MAN1A2: variants seen among roughly 807,000 people sequenced by gnomAD.
The protein encoded by MAN1A2 is mannosyl-oligosaccharide 1,2-alpha-mannosidase IB.
A neutral mutation model predicts 75.7 loss-of-function variants in MAN1A2; 26 were observed. The observed-to-expected ratio is 0.34, with a 90% confidence interval of 0.25 to 0.48. MAN1A2 has a LOEUF of 0.48. Ranked by LOEUF, MAN1A2 falls within the 20% of genes least tolerant of loss-of-function variation. MAN1A2 has a pLI of 0.99. For synonymous variants in MAN1A2, 247 were observed against 264.6 expected (o/e 0.93, Z 0.65); for missense variants, 562 against 775.5 (o/e 0.72, Z 3.27).
intron 1 of MAN1A2, among the ~76,000 whole-genome samples, chr1:117,384,162 G>A (rs1653444339): frequency 6.6e-6 from 1 of 151,984 alleles, no homozygotes. Flanking sequence ...TGTCTGTTGT[G>A]CAGGTTATGG....
chr1:117,472,044 T>A (rs933036097), intron 8 of MAN1A2, among the ~76,000 whole-genome samples: 1 of 151,914 alleles, frequency 6.6e-6, no homozygotes, highest in South Asian at 2.1e-4. Flanking sequence ...AGGATAGCTG[T>A]CTGTGGGAGT....
At chr1:117,434,271 T>C (rs1322849260) in intron 5 of MAN1A2, among the ~76,000 whole-genome samples, 1 of 152,180 alleles carries the variant, frequency 6.6e-6, no homozygotes, top group African/African-American at 2.4e-5. Flanking sequence ...CTTTGCCTGG[T>C]AGAGACTTTC....
chr1:117,522,613 AGTT>A (rs1215903994), intron 12 of MAN1A2, among the ~76,000 whole-genome samples: 2 of 151,726 alleles, frequency 1.3e-5, no homozygotes, highest in Non-Finnish European at 2.9e-5. Context: ...CAGTAGGTCT[AGTT>A]GTTCATCTTA....
intron 9 of MAN1A2, among the ~76,000 whole-genome samples, chr1:117,495,233 T>A (rs1309820554): frequency 6.6e-6 from 1 of 151,900 alleles, no homozygotes; most frequent in Non-Finnish European, 1.5e-5. Flanking sequence ...TTTTTATTAG[T>A]TTTATTAGTT....
In MAN1A2 at chr1:117,422,132, G is replaced by A. The variant is rs116394775; in HGVS notation, c.855+1483G>A. On this transcript the variant is annotated intron_variant, in intron 5 of 12. Coordinates refer to ENST00000356554, the MANE Select transcript of MAN1A2 (RefSeq NM_006699.5). ...ATGAGTTTTTACAGTGCATAGTATT[G>A]TAATCACCAGCATGATCAAGATACA... Among the ~76,000 whole-genome samples, 1,114 of 152,116 alleles carry A rather than the reference G, an allele frequency of 7.3e-3. 17 individuals are homozygous for A. Among genetic ancestry groups the A allele is most frequent in the African/African-American group, 0.026 (1,065 of 41,532 alleles).
chr1:117,512,763 A>ACACACACACG (rs1199416372), intron 12 of MAN1A2, among the ~76,000 whole-genome samples: 6 of 151,434 alleles, frequency 4.0e-5, no homozygotes, highest in Non-Finnish European at 7.4e-5. Context: ...ACACACACAC[A>ACACACACACG]CACACACACA....
At chr1:117,482,875 C>G (rs1650544116) in intron 8 of MAN1A2, among the ~76,000 whole-genome samples, 1 of 151,944 alleles carries the variant, frequency 6.6e-6, no homozygotes, top group South Asian at 2.1e-4. Flanking sequence ...GGTTTTAGGT[C>G]TTAGGTTTAA....
chr1:117,493,987 G>C (rs949689246), intron 9 of MAN1A2: 2 of 151,954 alleles, frequency 1.3e-5, no homozygotes, highest in Non-Finnish European at 2.9e-5. Flanking sequence ...CACTTATATA[G>C]TATTTTCTAC....
At chr1:117,405,739 A>G (rs1647592590) in intron 3 of MAN1A2, 94 bp downstream of exon 3, 3 of 785,142 alleles carry the variant, frequency 3.8e-6, no homozygotes, top group Non-Finnish European at 6.7e-6. Flanking sequence ...AAATCTGAGT[A>G]TTTCTGTGGA....
chr1:117,381,836 T>G (rs61809516), intron 1 of MAN1A2, among the ~76,000 whole-genome samples: 2 of 151,352 alleles, frequency 1.3e-5, no homozygotes, highest in Non-Finnish European at 3.0e-5. Flanking sequence ...TCCACATCCT[T>G]TCCAGCACCT....
intron 6 of MAN1A2, among the ~76,000 whole-genome samples, chr1:117,454,399 T>C (rs1342251304): frequency 2.0e-5 from 3 of 152,170 alleles, no homozygotes; most frequent in African/African-American, 4.8e-5. Context: ...GGCATTTACA[T>C]TGGGGAACCA....
intron 6 of MAN1A2, among the ~76,000 whole-genome samples, chr1:117,455,490 T>C (rs1022541499): frequency 3.3e-5 from 5 of 152,246 alleles, no homozygotes; most frequent in African/African-American, 9.6e-5. Flanking sequence ...ATGTAAATTA[T>C]ACGTCAGTAT....
intron 6 of MAN1A2, among the ~76,000 whole-genome samples, chr1:117,442,666 A>C (rs949657835): frequency 6.6e-6 from 1 of 152,186 alleles, no homozygotes; most frequent in Admixed American, 6.5e-5. Context: ...AATAGAGTCA[A>C]AGTACATCCT....
chr1:117,500,950 T>A (rs963264120), intron 11 of MAN1A2, among the ~76,000 whole-genome samples: 6 of 151,884 alleles, frequency 4.0e-5, no homozygotes, highest in Non-Finnish European at 8.8e-5. Context: ...TTCACTTGAA[T>A]GTCCCCTGAT....
intron 7 of MAN1A2, among the ~76,000 whole-genome samples, chr1:117,463,432 T>G (rs1649886996): frequency 6.6e-6 from 1 of 151,982 alleles, no homozygotes; most frequent in South Asian, 2.1e-4. Context: ...TCATCCTTCC[T>G]GAACACATAG....
chr1:117,408,403 ATTATT>A (rs980299026), intron 3 of MAN1A2, among the ~76,000 whole-genome samples: 7 of 151,954 alleles, frequency 4.6e-5, no homozygotes, highest in Non-Finnish European at 7.4e-5. Flanking sequence ...TGTAGAAGAA[ATTATT>A]TTAATTTGTA....
intron 5 of MAN1A2, among the ~76,000 whole-genome samples, chr1:117,424,920 T>C (rs1355510623): frequency 1.3e-5 from 2 of 152,176 alleles, no homozygotes; most frequent in Non-Finnish European, 2.9e-5. Context: ...TAACTGCCAG[T>C]TCTCTAACAC....
chr1:117,387,036 C>T (rs555246637), intron 1 of MAN1A2, among the ~76,000 whole-genome samples: 65 of 150,572 alleles, frequency 4.3e-4, no homozygotes, highest in Middle Eastern at 3.4e-3. Flanking sequence ...TACAACTCAA[C>T]AACAACAACA....
At chr1:117,369,644 C>T (rs905733697) in intron 1 of MAN1A2, among the ~76,000 whole-genome samples, 4 of 152,064 alleles carry the variant, frequency 2.6e-5, no homozygotes, top group Non-Finnish European at 5.9e-5. Flanking sequence ...GTAGTTACTT[C>T]TAATATTGTT....
Sources: allele counts gnomAD v4.1 joint callset (sites outside exome capture counted in the v4.1 genomes callset), GRCh38; gene constraint gnomAD v4.1.1; transcripts MANE v1.5; gene names NCBI Gene and HGNC (gene_info 2026-07-23, HGNC 2026-07-21).